The following CHRD variants were observed in gnomAD, a reference collection of about 807,000 sequenced individuals.
The protein encoded by CHRD is chordin.
CHRD carries 69 observed loss-of-function variants against 113.7 expected under a neutral mutation model. The ratio of observed to expected loss-of-function variants is 0.61; its 90% CI spans 0.50 to 0.74. CHRD has a LOEUF of 0.74. CHRD is among the 30% of genes least tolerant of loss of function. The pLI is 0.00. For synonymous variants in CHRD, 561 were observed against 540.8 expected, an observed-to-expected ratio of 1.04 and a Z score of -0.52; for missense variants, 1,194 against 1,295.8, an observed-to-expected ratio of 0.92 and a Z score of 1.21.
Position 184,384,868 on chromosome 3 carries a change from G to T in CHRD, c.1598-150G>T. Reference sequence around the variant, plus strand: ...GACTCTTCCTGTTGCTGAGGTTCAAGGGTCTAAAACTTGCTGCTCTCCAGG... The same window carrying T: ...GACTCTTCCTGTTGCTGAGGTTCAATGGTCTAAAACTTGCTGCTCTCCAGG... On this transcript the variant is annotated intron_variant, in intron 13 of 22. Coordinates refer to ENST00000204604, the Ensembl canonical transcript of CHRD. This position sits in a 1 kb window ranked among gnomAD's most constrained non-coding sequence, Gnocchi z 4.4. 8.3e-7 allele frequency: 1 copy of T among 1,207,134 alleles called. No individual in the cohort carries two copies. The allele number at this position is 1,207,134 out of a possible 1,614,324, so 74.8% of individuals were successfully genotyped here.
At position 184,387,204 on chromosome 3, in the gene CHRD, C is replaced by T; in HGVS notation, c.2347+97C>T. 1.5e-6 allele frequency: 2 copies of T among 1,342,072 alleles called. No individual in the cohort carries two copies. The highest frequency in any genetic ancestry group is 2.1e-6 in the Non-Finnish European group (2 of 942,952). The allele number at this position is 1,342,072 out of a possible 1,614,324, so 83.1% of individuals were successfully genotyped here. ...GAAGGGGAGAGTATATAGGGGGTGG[C>T]CTGAGGGGCACAGATTCCAAGTGAT... On this transcript the variant is annotated intron_variant, in intron 18 of 22. Transcript: ENST00000204604. This position sits in a 1 kb window ranked among gnomAD's most constrained non-coding sequence, Gnocchi z 6.1.
At position 184,383,435 on chromosome 3, in the gene CHRD, G is replaced by T; in HGVS notation, c.1320+17G>T. On this transcript the variant is annotated intron_variant, in intron 11 of 22. Transcript: ENST00000204604. The stretch of plus-strand genomic sequence containing the variant: ...ATCTATCAGGTAAGAGCCAGGGGCT[G>T]CAGAAGGTGGGGGAGGGGTGGCGTG... The T allele has an allele frequency of 6.2e-7, 1 of 1,613,536 alleles. No homozygotes were observed. The highest frequency in any genetic ancestry group is 8.5e-7 in the Non-Finnish European group (1 of 1,179,614).
chr3:184,382,516 G>T, exon 7 of CHRD: 1 of 1,613,856 alleles, frequency 6.2e-7, no homozygotes. Flanking sequence ...ATCCGGCACC[G>T]GGCCCTGGCT....
chr3:184,387,566 G>A lies in CHRD; in HGVS notation c.2451+89G>A. 2 of 1,197,150 alleles carry A rather than the reference G, an allele frequency of 1.7e-6. No homozygotes were observed. The highest frequency in any genetic ancestry group is 2.3e-6 in the Non-Finnish European group (2 of 868,110). 74.2% of individuals were successfully genotyped at this position (1,197,150 alleles called of 1,614,324 possible). On this transcript the variant is annotated intron_variant, in intron 19 of 22. Transcript: ENST00000204604. The surrounding 1 kb of genome is among the most constrained non-coding windows in gnomAD (Gnocchi z 6.1). ...TGCCAGGTGAGGAAGGCCCGTCCTT[G>A]GTGAGGAGGGCTCAAGAATCAAAAC...
At position 184,381,855 on chromosome 3, in the gene CHRD, GGCCC is replaced by G. The variant is rs776856637; in HGVS notation, c.611+42_611+45del. On this transcript the variant is annotated intron_variant, in intron 5 of 22. Coordinates refer to ENST00000204604, the Ensembl canonical transcript of CHRD. This position sits in a 1 kb window ranked among gnomAD's most constrained non-coding sequence, Gnocchi z 4.7. Reference sequence around the variant, plus strand: ...GGAGCAAGGAGGGGTCAGCTGCCGGGGCCCGGGAGGGAAACTGGGAGAGCTGGGA... The same window carrying G: ...GGAGCAAGGAGGGGTCAGCTGCCGGGGGGAGGGAAACTGGGAGAGCTGGGA... 6 of 1,611,000 alleles carry G rather than the reference GGCCC, an allele frequency of 3.7e-6. No homozygotes were observed. Among genetic ancestry groups the G allele is most frequent in the Non-Finnish European group, 5.1e-6 (6 of 1,178,494 alleles).
At chr3:184,382,606 C>T (rs376490944) in intron 7 of CHRD, 28 bp from the exon 8 acceptor site, 95 of 1,610,378 alleles carry the variant, frequency 5.9e-5, no homozygotes, top group Non-Finnish European at 7.3e-5. Context: ...GGGTTTCTGA[C>T]GGGCTCTCAT....
chr3:184,380,451 G>C lies in CHRD; in HGVS notation c.133G>C (p.Val45Leu). Reference sequence around the variant, plus strand: ...CCGTTCTGAGAAGGAGCCGCTGCCCGTTCGGGGAGCGGCAGGTAGGTGGGC... The same window carrying C: ...CCGTTCTGAGAAGGAGCCGCTGCCCCTTCGGGGAGCGGCAGGTAGGTGGGC... The change falls in exon 1 of 23, where the codon GTT becomes CTT. Residue 45 changes from valine to leucine, a missense_variant. Val to Leu is a conservative substitution (Grantham distance 32). Coordinates refer to ENST00000204604, the Ensembl canonical transcript of CHRD. The surrounding 1 kb of genome is among the most constrained non-coding windows in gnomAD (Gnocchi z 6.3). 8.1e-7 allele frequency: 1 copy of C among 1,227,502 alleles called. No homozygotes were observed. Among genetic ancestry groups the C allele is most frequent in the East Asian group, 3.7e-5 (1 of 26,792 alleles). The allele number at this position is 1,227,502 out of a possible 1,614,324, so 76.0% of individuals were successfully genotyped here. A position where few individuals can be genotyped will look rare whatever the true frequency, so the allele number is the denominator to read the frequency against.
At position 184,387,888 on chromosome 3, in the gene CHRD, T is replaced by C; in HGVS notation, c.2452-43T>C. The stretch of plus-strand genomic sequence containing the variant: ...GGAGAGGGAGTGGGCAGGAGGCTTA[T>C]GTGCCCCCTGCCTGACACTCCTTGC... On this transcript the variant is annotated intron_variant, in intron 19 of 22. Transcript: ENST00000204604. The surrounding 1 kb of genome is among the most constrained non-coding windows in gnomAD (Gnocchi z 6.1). The C allele has an allele frequency of 6.5e-7, 1 of 1,540,674 alleles. No individual in the cohort carries two copies. Among genetic ancestry groups the C allele is most frequent in the Non-Finnish European group, 8.9e-7 (1 of 1,125,368 alleles).
In CHRD at chr3:184,384,841, C is replaced by T. The variant is rs779066365; in HGVS notation, c.1597+148C>T. On this transcript the variant is annotated intron_variant, in intron 13 of 22. Transcript: ENST00000204604. This position sits in a 1 kb window ranked among gnomAD's most constrained non-coding sequence, Gnocchi z 4.4. Reference sequence around the variant, plus strand: ...GGGACATATAGGGTGGCCCTGCTGGCGGACTCTTCCTGTTGCTGAGGTTCA... The same window carrying T: ...GGGACATATAGGGTGGCCCTGCTGGTGGACTCTTCCTGTTGCTGAGGTTCA... The T allele has an allele frequency of 2.2e-5, 27 of 1,232,886 alleles. No individual in the cohort carries two copies. Among genetic ancestry groups the T allele is most frequent in the South Asian group, 1.5e-4 (10 of 67,988 alleles). 76.4% of individuals were successfully genotyped at this position (1,232,886 alleles called of 1,614,324 possible).
exon 12 of CHRD, chr3:184,383,637 C>T: frequency 6.2e-7 from 1 of 1,607,874 alleles, no homozygotes; most frequent in Non-Finnish European, 8.5e-7. Flanking sequence ...GCCAGGAGGA[C>T]ACACGGTGAG....
intron 12 of CHRD, among the ~76,000 whole-genome samples, chr3:184,383,976 C>T (rs1715884328): frequency 6.6e-6 from 1 of 152,044 alleles, no homozygotes; most frequent in South Asian, 2.1e-4. Context: ...GGGGTTTCAC[C>T]GTGTTGGCCA....
rs759652198 is a variant in CHRD at position 184,386,874 on chromosome 3, G to C, written c.2226G>C (p.Val742=). Residue 742 remains valine, a synonymous_variant, in exon 17 of 23, where the codon GTG becomes GTC. Transcript: ENST00000204604. ...GAACGGTGATCTGTGACCCGGTGGT[G>C]TGCCCACCGCCCAGCTGCCCACACC... 3 of 1,614,164 alleles carry C rather than the reference G, an allele frequency of 1.9e-6. No individual in the cohort carries two copies. In the South Asian group the frequency reaches 3.3e-5, roughly 18 times the overall value.
chr3:184,389,475 G>T, exon 23 of CHRD: 5 of 1,554,046 alleles, frequency 3.2e-6, no homozygotes, highest in Non-Finnish European at 4.4e-6. Context: ...GCTGGGGAAG[G>T]GGTGGCATCG....
chr3:184,386,801 A>G, intron 16 of CHRD, 44 bp from the exon 17 acceptor site: 1 of 1,613,818 alleles, frequency 6.2e-7, no homozygotes, highest in Non-Finnish European at 8.5e-7. Context: ...ATCTGGAGCA[A>G]GGGGCCTGGA....
intron 14 of CHRD, among the ~76,000 whole-genome samples, 198 bp downstream of exon 14, chr3:184,385,436 G>A (rs1021546347): frequency 9.9e-5 from 15 of 152,146 alleles, no homozygotes; most frequent in African/African-American, 3.4e-4. Flanking sequence ...GGGAGGCCAG[G>A]TGGGTGGATC....
intron 16 of CHRD, 24 bp downstream of exon 16, chr3:184,386,779 C>T: frequency 1.2e-6 from 2 of 1,613,526 alleles, no homozygotes; most frequent in Admixed American, 1.7e-5. Context: ...GAAGGGCACA[C>T]TGGGTCCTGG....
rs769301797 is a variant in CHRD, at chr3:184,383,172, G to GGT, written c.1213+10_1213+11insTG. On this transcript the variant is annotated intron_variant, in intron 10 of 22. Coordinates refer to ENST00000204604, the Ensembl canonical transcript of CHRD. ...CAGGAAGAGCTGCGACGGTGAGGCGGGGGGGGGGCCTGGTGCGCCGGGCAT... is the reference window on the plus strand; with the variant it reads ...CAGGAAGAGCTGCGACGGTGAGGCGGGTGGGGGGGGCCTGGTGCGCCGGGCAT... 35 of 1,569,720 alleles carry GGT rather than the reference G, an allele frequency of 2.2e-5. No individual in the cohort carries two copies. In the Admixed American group the frequency reaches 2.8e-4, roughly 13 times the overall value.
chr3:184,383,552 G>C, exon 12 of CHRD: 1 of 1,614,130 alleles, frequency 6.2e-7, no homozygotes, highest in Non-Finnish European at 8.5e-7. Context: ...GCAGTGAGGT[G>C]GTGGCCATGA....
Position 184,382,847 on chromosome 3 carries a change from G to T in CHRD, c.983-9G>T, listed in dbSNP as rs781503968. On this transcript the variant is annotated splice_polypyrimidine_tract_variant and intron_variant, in intron 8 of 22. Coordinates refer to ENST00000204604, the Ensembl canonical transcript of CHRD. Reference sequence around the variant, plus strand: ...TGTCTCAGAAAGGCCCACATGTGCGGCCTTGCAGGACTAACCCAGGTTCCC... The same window carrying T: ...TGTCTCAGAAAGGCCCACATGTGCGTCCTTGCAGGACTAACCCAGGTTCCC... 1.2e-6 allele frequency: 2 copies of T among 1,612,694 alleles called. No individual in the cohort carries two copies. Among genetic ancestry groups the T allele is most frequent in the Non-Finnish European group, 1.7e-6 (2 of 1,179,136 alleles).
Sources: allele counts gnomAD v4.1 joint callset (sites outside exome capture counted in the v4.1 genomes callset), GRCh38; gene constraint gnomAD v4.1.1; non-coding constraint Gnocchi (gnomAD v3.1); transcripts MANE v1.5; gene names NCBI Gene and HGNC (gene_info 2026-07-23, HGNC 2026-07-21).